Variants in LGSN observed in about 807,000 individuals in gnomAD.
LGSN encodes the protein lengsin, lens protein with glutamine synthetase domain.
Under a neutral mutation model 19.5 loss-of-function variants are expected in LGSN, and 21 were observed. The observed-to-expected ratio is 1.07, with a 90% CI of 0.76 to 1.55. The LOEUF is 1.55. Among genes scored for constraint, LGSN ranks in the 40% most tolerant of loss-of-function variants. The pLI, the probability that LGSN is intolerant of heterozygous loss-of-function variation, is 0.00. For synonymous variants in LGSN, 257 were observed against 215.6 expected, an observed-to-expected ratio of 1.19 and a Z score of -1.68; for missense variants, 673 against 608.5, an observed-to-expected ratio of 1.11 and a Z score of -1.12.
At chr6:63,393,377 C>G in the LGSN span, among the ~76,000 whole-genome samples, 167 of 151,818 alleles carry the variant, frequency 1.1e-3, 1 homozygote, top group Non-Finnish European at 2.2e-3. Context: ...CAGGGTTTCA[C>G]CATGTTGGTC....
chr6:63,512,700 G>A, the LGSN span, among the ~76,000 whole-genome samples: 1 of 152,102 alleles, frequency 6.6e-6, no homozygotes, highest in Non-Finnish European at 1.5e-5. Context: ...CATGTTGAAG[G>A]ATAAACATAT....
At chr6:63,377,360 A>C in the LGSN span, among the ~76,000 whole-genome samples, 1 of 152,340 alleles carries the variant, frequency 6.6e-6, no homozygotes, top group South Asian at 2.1e-4. Flanking sequence ...CCCTGAAGGC[A>C]AATTTTCCAC....
At position 63,311,609 on chromosome 6, in the gene LGSN, T is replaced by G. The variant is rs547761003; in HGVS notation, c.30+8305A>C. Among the ~76,000 whole-genome samples the G allele has an allele frequency of 6.4e-4, 98 of 152,238 alleles. 1 individual carries two copies. The highest frequency in any genetic ancestry group is 2.1e-4 in the Non-Finnish European group (14 of 68,048). Reference sequence around the variant, plus strand: ...CATTCTTGCTTTGATTTTAGCAGAATTCATGCTGCTCTGATACATGCTGTA... The same window carrying G: ...CATTCTTGCTTTGATTTTAGCAGAAGTCATGCTGCTCTGATACATGCTGTA... On this transcript the variant is annotated intron_variant, in intron 1 of 3. Transcript: ENST00000370657.
chr6:63,526,828 TATATA>T, the LGSN span, among the ~76,000 whole-genome samples: 1,450 of 143,518 alleles, frequency 0.01, 27 homozygotes, highest in African/African-American at 0.035. Context: ...TATATATATA[TATATA>T]TATTTATTTA....
the LGSN span, among the ~76,000 whole-genome samples, chr6:63,353,972 T>G: frequency 6.6e-6 from 1 of 152,042 alleles, no homozygotes; most frequent in Non-Finnish European, 1.5e-5. Flanking sequence ...GACCCCTATC[T>G]CTCACTACAT....
chr6:63,339,239 T>C, the LGSN span, among the ~76,000 whole-genome samples: 1 of 152,200 alleles, frequency 6.6e-6, no homozygotes. Context: ...TGATTTTCTA[T>C]CTGGATGATT....
At chr6:63,359,705 C>T in the LGSN span, among the ~76,000 whole-genome samples, 34 of 152,186 alleles carry the variant, frequency 2.2e-4, no homozygotes, top group African/African-American at 7.7e-4. Context: ...TTTATTGCAT[C>T]TATTTGATTC....
chr6:63,525,986 A>G, the LGSN span, among the ~76,000 whole-genome samples: 1 of 152,306 alleles, frequency 6.6e-6, no homozygotes, highest in South Asian at 2.1e-4. Context: ...ACCAGTATAC[A>G]AAAGAGTGGT....
the LGSN span, among the ~76,000 whole-genome samples, chr6:63,422,177 C>T: frequency 1.3e-5 from 2 of 152,184 alleles, no homozygotes; most frequent in South Asian, 2.1e-4. Context: ...GATCCTCCCA[C>T]CTCAACCTCC....
At chr6:63,323,518 T>C (rs1386489198), upstream of LGSN, among the ~76,000 whole-genome samples, 1 of 150,088 alleles carries the variant, frequency 6.7e-6, no homozygotes, top group African/African-American at 2.4e-5. Context: ...CTACTTATTG[T>C]GATAATATCT....
chr6:63,401,925 T>G, the LGSN span, among the ~76,000 whole-genome samples: 12 of 152,230 alleles, frequency 7.9e-5, no homozygotes, highest in African/African-American at 2.9e-4. Context: ...TTAAGGCAAC[T>G]GACAACAAAG....
At chr6:63,442,994 C>T in the LGSN span, among the ~76,000 whole-genome samples, 1 of 152,236 alleles carries the variant, frequency 6.6e-6, no homozygotes, top group East Asian at 1.9e-4. Context: ...CACTGTGGAG[C>T]AGGCGGCGGT....
chr6:63,371,068 A>G, the LGSN span, among the ~76,000 whole-genome samples: 3 of 152,192 alleles, frequency 2.0e-5, no homozygotes, highest in African/African-American at 4.8e-5. Context: ...GCATATATTA[A>G]TTTCTCAAAA....
the LGSN span, among the ~76,000 whole-genome samples, chr6:63,377,828 C>T: frequency 4.7e-5 from 7 of 148,154 alleles, no homozygotes; most frequent in African/African-American, 1.5e-4. Flanking sequence ...GCAGGAGAAT[C>T]GCTTGAACCC....
the LGSN span, among the ~76,000 whole-genome samples, chr6:63,510,977 G>T: frequency 9.9e-5 from 15 of 151,434 alleles, no homozygotes; most frequent in Non-Finnish European, 1.6e-4. Flanking sequence ...TCCCGGTCAA[G>T]ATGCGAATTA....
the LGSN span, among the ~76,000 whole-genome samples, chr6:63,337,592 A>G: frequency 6.6e-6 from 1 of 152,010 alleles, no homozygotes; most frequent in Non-Finnish European, 1.5e-5. Context: ...ACTTGAGCTC[A>G]GGAGTTTGAG....
chr6:63,486,005 C>G, the LGSN span, among the ~76,000 whole-genome samples: 1 of 152,120 alleles, frequency 6.6e-6, no homozygotes, highest in Non-Finnish European at 1.5e-5. Context: ...GCTGGGATTA[C>G]AGGTGTGAGC....
the LGSN span, among the ~76,000 whole-genome samples, chr6:63,525,877 A>G: frequency 6.6e-6 from 1 of 152,194 alleles, no homozygotes; most frequent in Non-Finnish European, 1.5e-5. Context: ...ACTGATACAA[A>G]TGTTAATATT....
chr6:63,427,743 A>T, the LGSN span, among the ~76,000 whole-genome samples: 1 of 152,148 alleles, frequency 6.6e-6, no homozygotes, highest in South Asian at 2.1e-4. Flanking sequence ...ATGAACAGGG[A>T]CGCTGTCTTC....
Sources: gnomAD v4.1 joint callset for allele counts (sites outside exome capture counted in the v4.1 genomes callset) on GRCh38, gnomAD v4.1.1 for gene constraint, MANE v1.5 for transcripts, NCBI Gene and HGNC (gene_info 2026-07-23, HGNC 2026-07-21) for gene names.